Variants in MRTFB observed in about 807,000 individuals in gnomAD.
MRTFB encodes myocardin-related transcription factor B.
Under a neutral mutation model 104.2 loss-of-function variants are expected in MRTFB, and 29 were observed. The ratio of observed to expected loss-of-function variants is 0.28; its 90% CI spans 0.21 to 0.38. The LOEUF is 0.38. Ranked by LOEUF, MRTFB falls within the 10% of genes least tolerant of loss-of-function variation. The pLI, the probability that MRTFB is intolerant of heterozygous loss-of-function variation, is 1.00. For synonymous variants in MRTFB, 535 were observed against 519.5 expected (o/e 1.03, Z -0.41); for missense variants, 1,270 against 1,341.6 (o/e 0.95, Z 0.83).
At chr16:14,119,466 G>A (rs762746707) in intron 2 of MRTFB, among the ~76,000 whole-genome samples, 32 of 152,068 alleles carry the variant, frequency 2.1e-4, no homozygotes, top group Non-Finnish European at 3.8e-4. Context: ...TAATTGAATG[G>A]TTTTTCCTTT....
At chr16:14,077,998 G>C (rs888620533) in intron 1 of MRTFB, among the ~76,000 whole-genome samples, 1 of 152,116 alleles carries the variant, frequency 6.6e-6, no homozygotes, top group Admixed American at 6.5e-5. Context: ...TTCTAGCCTT[G>C]CTGCCTTAGT....
At chr16:14,174,736 G>A (rs2039527758) in intron 3 of MRTFB, among the ~76,000 whole-genome samples, 1 of 151,866 alleles carries the variant, frequency 6.6e-6, no homozygotes, top group South Asian at 2.1e-4. Context: ...TTTTTAATTT[G>A]AATTTTACAT....
At chr16:14,130,769 T>C (rs1325421538) in intron 2 of MRTFB, among the ~76,000 whole-genome samples, 1 of 151,478 alleles carries the variant, frequency 6.6e-6, no homozygotes, top group Non-Finnish European at 1.5e-5. Context: ...AGCATGGCGC[T>C]GGGGAGGCCT....
intron 8 of MRTFB, among the ~76,000 whole-genome samples, chr16:14,224,520 C>T (rs1057305540): frequency 6.6e-6 from 1 of 152,154 alleles, no homozygotes; most frequent in Non-Finnish European, 1.5e-5. Context: ...TCCAAAGACA[C>T]CCGCAGGAAC....
At chr16:14,103,510 T>TCAG (rs2035808934) in intron 2 of MRTFB, among the ~76,000 whole-genome samples, 1 of 152,180 alleles carries the variant, frequency 6.6e-6, no homozygotes, top group Non-Finnish European at 1.5e-5. Context: ...GTGCCTTTAC[T>TCAG]CAGTGCTGAT....
chr16:14,251,337 A>G (rs922480757), intron 13 of MRTFB, among the ~76,000 whole-genome samples: 4 of 145,094 alleles, frequency 2.8e-5, no homozygotes, highest in East Asian at 2.0e-4. Flanking sequence ...AGATCGCACC[A>G]CTGCACTCCA....
At chr16:14,188,396 A>G (rs2040036246) in intron 3 of MRTFB, among the ~76,000 whole-genome samples, 1 of 152,226 alleles carries the variant, frequency 6.6e-6, no homozygotes, top group Non-Finnish European at 1.5e-5. Flanking sequence ...TTGAGAAACT[A>G]GGAAAGTAGA....
intron 6 of MRTFB, among the ~76,000 whole-genome samples, chr16:14,215,884 A>G (rs1252312948): frequency 6.6e-6 from 1 of 152,226 alleles, no homozygotes; most frequent in Non-Finnish European, 1.5e-5. Context: ...AGATGTTGCA[A>G]TCTTTTTCTC....
chr16:14,255,871 T>G (rs2151454293), intron 15 of MRTFB, among the ~76,000 whole-genome samples: 1 of 151,804 alleles, frequency 6.6e-6, no homozygotes, highest in Middle Eastern at 3.4e-3. Context: ...CTCAACACCT[T>G]GGGAGGCGAA....
chr16:14,169,722 T>C (rs1247877767), intron 3 of MRTFB, among the ~76,000 whole-genome samples: 1 of 152,108 alleles, frequency 6.6e-6, no homozygotes, highest in Non-Finnish European at 1.5e-5. Context: ...ACAGTTTGAG[T>C]TACCAGTTAA....
chr16:14,198,869 C>A lies in MRTFB; in HGVS notation c.155-11374C>A, dbSNP rs555218356. On this transcript the variant is annotated intron_variant, in intron 3 of 16. Transcript: ENST00000571589. ...TGTACATCTGTCCCCTTCCTACTGC[C>A]TTCAAGGTACCTGCTATCTCTTATG... Among the ~76,000 whole-genome samples, 107 of 152,314 alleles carry A rather than the reference C, an allele frequency of 7.0e-4. 1 individual carries two copies. Among genetic ancestry groups the A allele is most frequent in the African/African-American group, 2.5e-3 (104 of 41,578 alleles).
chr16:14,202,500 T>TC (rs2040751724), intron 3 of MRTFB, among the ~76,000 whole-genome samples: 1 of 152,194 alleles, frequency 6.6e-6, no homozygotes, highest in Admixed American at 6.5e-5. Context: ...TTTGACTTTC[T>TC]CCCCTTTGAC....
chr16:14,264,865 C>T lies in MRTFB; in HGVS notation c.*3421C>T, dbSNP rs1425587535. 2.0e-5 allele frequency: 3 copies of T among 152,268 alleles called. No homozygotes were observed. The allele number at this position is 152,268 out of a possible 1,614,324, so 9.4% of individuals were successfully genotyped here. A position where few individuals can be genotyped will look rare whatever the true frequency, so the allele number is the denominator to read the frequency against. On this transcript the variant is annotated 3_prime_UTR_variant, in exon 17 of 17. Transcript: ENST00000571589. ...AGAGCTGACTCAGGCTTCCTGGACC[C>T]TCAACCCCAGATCATTCCAGGCAGC...
At chr16:14,049,592 G>T in the MRTFB span, among the ~76,000 whole-genome samples, 1 of 152,178 alleles carries the variant, frequency 6.6e-6, no homozygotes, top group Non-Finnish European at 1.5e-5. Flanking sequence ...TGACTGAAAT[G>T]ACTTCATTGA....
chr16:13,997,667 C>T, the MRTFB span, among the ~76,000 whole-genome samples: 5 of 151,508 alleles, frequency 3.3e-5, no homozygotes, highest in Admixed American at 1.3e-4. Context: ...GTGGCATGTG[C>T]CTATAGTCCC....
At chr16:14,045,979 G>A in the MRTFB span, among the ~76,000 whole-genome samples, 1 of 152,172 alleles carries the variant, frequency 6.6e-6, no homozygotes, top group Non-Finnish European at 1.5e-5. Context: ...ATATTAGCTA[G>A]TAGCAGTAGT....
chr16:14,039,001 A>G, the MRTFB span, among the ~76,000 whole-genome samples: 1 of 152,180 alleles, frequency 6.6e-6, no homozygotes, highest in Non-Finnish European at 1.5e-5. Flanking sequence ...CGAGAACAGT[A>G]TGGGGGAAAC....
intron 8 of MRTFB, among the ~76,000 whole-genome samples, chr16:14,229,182 A>G (rs2042148074): frequency 6.6e-6 from 1 of 152,224 alleles, no homozygotes; most frequent in South Asian, 2.1e-4. Flanking sequence ...GATTCTGTGC[A>G]AGGAAATTCA....
intron 4 of MRTFB, among the ~76,000 whole-genome samples, chr16:14,212,029 G>C (rs1460101245): frequency 6.6e-6 from 1 of 152,162 alleles, no homozygotes; most frequent in Non-Finnish European, 1.5e-5. Flanking sequence ...TGACCATTAA[G>C]AGCAAAGACT....
Sources: gnomAD v4.1 joint callset for allele counts (sites outside exome capture counted in the v4.1 genomes callset) on GRCh38, gnomAD v4.1.1 for gene constraint, MANE v1.5 for transcripts, NCBI Gene and HGNC (gene_info 2026-07-23, HGNC 2026-07-21) for gene names.